The following CDH26 variants were observed in gnomAD, a reference collection of about 807,000 sequenced individuals.
CDH26 encodes the protein cadherin-like protein 26.
In CDH26, 83 loss-of-function variants were observed where a neutral mutation model predicts 90.3. The observed-to-expected ratio is 0.92, with a 90% CI of 0.77 to 1.10. The LOEUF (loss-of-function observed/expected upper bound fraction) is 1.10. Among genes scored for constraint, CDH26 ranks in the 50% least tolerant of loss-of-function variants. CDH26 has a pLI of 0.00. For missense variants in CDH26, 1,013 were observed against 1,037.6 expected (o/e 0.98, Z 0.33); for synonymous variants, 397 against 396.3 (o/e 1.00, Z -0.02).
rs1345456748 is a variant in CDH26 at position 59,987,445 on chromosome 20, T to C, written c.838-8T>C. 6.2e-7 allele frequency: 1 copy of C among 1,602,538 alleles called. No individual in the cohort carries two copies. The highest frequency in any genetic ancestry group is 1.1e-5 in the South Asian group (1 of 89,238). On this transcript the variant is annotated splice_polypyrimidine_tract_variant and splice_region_variant and intron_variant, in intron 7 of 17. Coordinates refer to ENST00000348616, the MANE Select transcript of CDH26 (RefSeq NM_177980.4). ...CCATGACATGGACATGATGATTGCT[T>C]CTTTCAGTATAAGGTTCAGATTCCT...
chr20:59,981,546 A>G (rs1428406490), intron 4 of CDH26, among the ~76,000 whole-genome samples: 2 of 152,124 alleles, frequency 1.3e-5, no homozygotes, highest in South Asian at 2.1e-4. Context: ...GATTAACTTT[A>G]TATCTTGTGA....
At chr20:60,029,396 A>ATAGTCAACAACGTAGCACCTG (rs1200286131) in intron 7 of CDH26, among the ~76,000 whole-genome samples, 21 of 151,092 alleles carry the variant, frequency 1.4e-4, no homozygotes, top group African/African-American at 4.6e-4. Flanking sequence ...CGTAGCACCT[A>ATAGTCAACAACGTAGCACCTG]TAGTCAACAA....
chr20:59,960,187 G>T (rs911999392), intron 1 of CDH26, among the ~76,000 whole-genome samples: 2 of 152,170 alleles, frequency 1.3e-5, no homozygotes, highest in African/African-American at 4.8e-5. Flanking sequence ...TGCCCCCAAA[G>T]GTTCAGGTTG....
intron 4 of CDH26, among the ~76,000 whole-genome samples, chr20:59,977,270 C>A (rs2061338107): frequency 6.6e-6 from 1 of 152,130 alleles, no homozygotes; most frequent in African/African-American, 2.4e-5. Context: ...GACCAGTTGA[C>A]CCTTGAGAAT....
intron 3 of CDH26, among the ~76,000 whole-genome samples, chr20:59,971,337 G>A (rs932171474): frequency 1.9e-4 from 29 of 152,102 alleles, no homozygotes; most frequent in African/African-American, 5.3e-4. Context: ...GATTTTTAAC[G>A]TGTCCTCATC....
chr20:59,972,731 T>G (rs1037902455), intron 4 of CDH26, among the ~76,000 whole-genome samples: 2 of 152,328 alleles, frequency 1.3e-5, no homozygotes, highest in East Asian at 3.9e-4. Flanking sequence ...CTATTTTGAC[T>G]TCAGTGGAAT....
intron 17 of CDH26, among the ~76,000 whole-genome samples, chr20:60,009,401 G>A (rs1018352712): frequency 6.6e-6 from 1 of 152,204 alleles, no homozygotes; most frequent in Non-Finnish European, 1.5e-5. Flanking sequence ...TCATCACGTA[G>A]TATCCAGCTT....
intron 17 of CDH26, among the ~76,000 whole-genome samples, chr20:60,007,150 T>C (rs987294633): frequency 6.6e-6 from 1 of 152,184 alleles, no homozygotes; most frequent in Non-Finnish European, 1.5e-5. Flanking sequence ...TCTACCCTCA[T>C]GAGCTCATCT....
intron 4 of CDH26, among the ~76,000 whole-genome samples, chr20:59,975,704 C>T (rs778723134): frequency 1.3e-4 from 20 of 152,144 alleles, no homozygotes; most frequent in Non-Finnish European, 2.4e-4. Flanking sequence ...TGTAAGAGAG[C>T]GTTTATTGTT....
At position 59,983,137 on chromosome 20, in the gene CDH26, A is replaced by C; in HGVS notation, c.541+67A>C. The C allele has an allele frequency of 1.2e-5, 18 of 1,537,902 alleles. No homozygotes were observed. The South Asian group carries it at 2.2e-4, about 19-fold the overall frequency. On this transcript the variant is annotated intron_variant, in intron 5 of 17. Transcript: ENST00000348616. ...GCTCTGTTCCTTTTCATTAATATTG[A>C]TGAGGAGCTTGATCCTAGTCATCTT...
At chr20:59,983,198 G>A (rs193038954) in intron 5 of CDH26, 128 bp downstream of exon 5, 113 of 1,116,190 alleles carry the variant, frequency 1.0e-4, no homozygotes, top group East Asian at 3.4e-4. Context: ...CTCAAAGATC[G>A]CAGGCCTTGG....
intron 9 of CDH26, among the ~76,000 whole-genome samples, chr20:59,990,297 T>C (rs1475956724): frequency 6.6e-6 from 1 of 152,192 alleles, no homozygotes; most frequent in East Asian, 1.9e-4. Flanking sequence ...AATCTCTTGA[T>C]GTTCTTGAAG....
At chr20:60,033,446 T>C (rs1204921455) in intron 8 of CDH26, 1 of 1,293,236 alleles carries the variant, frequency 7.7e-7, no homozygotes, top group African/African-American at 1.5e-5. Context: ...TTTGCCTACG[T>C]TATTTAATTC....
At chr20:60,002,331 C>T (rs1205912689) in intron 15 of CDH26, among the ~76,000 whole-genome samples, 2 of 151,880 alleles carry the variant, frequency 1.3e-5, no homozygotes, top group African/African-American at 2.4e-5. Flanking sequence ...TCCTTCTGGT[C>T]CTGTTCGGGC....
downstream of CDH26, among the ~76,000 whole-genome samples, chr20:60,016,649 G>A (rs376767438): frequency 4.0e-5 from 6 of 150,912 alleles, no homozygotes; most frequent in African/African-American, 1.5e-4. Context: ...TCAGTATTAT[G>A]TTGAATACAA....
intron 7 of CDH26, among the ~76,000 whole-genome samples, chr20:59,986,883 T>C (rs142126217): frequency 6.6e-6 from 1 of 152,230 alleles, no homozygotes; most frequent in Non-Finnish European, 1.5e-5. Context: ...AATATTATGC[T>C]TGAACCTTGT....
At chr20:60,029,935 GAATA>G (rs1053435569) in intron 7 of CDH26, among the ~76,000 whole-genome samples, 5 of 151,776 alleles carry the variant, frequency 3.3e-5, no homozygotes, top group Admixed American at 1.3e-4. Context: ...ATGAATAAAT[GAATA>G]AATAAATAAA....
At chr20:59,999,419 A>G (rs1038617625) in intron 13 of CDH26, among the ~76,000 whole-genome samples, 167 bp from the exon 14 acceptor site, 1 of 152,186 alleles carries the variant, frequency 6.6e-6, no homozygotes, top group Non-Finnish European at 1.5e-5. Flanking sequence ...TTTCCCACAT[A>G]AGTCATCCAG....
At chr20:59,967,963 CTT>C (rs2061192811) in intron 1 of CDH26, among the ~76,000 whole-genome samples, 1 of 50,254 alleles carries the variant, frequency 2.0e-5, no homozygotes. Flanking sequence ...TTCTATCTTT[CTT>C]TCTTTCTTTC....
Sources: allele counts gnomAD v4.1 joint callset (sites outside exome capture counted in the v4.1 genomes callset), GRCh38; gene constraint gnomAD v4.1.1; transcripts MANE v1.5; gene names NCBI Gene and HGNC (gene_info 2026-07-23, HGNC 2026-07-21).